RBFOX1: variants seen among roughly 807,000 people sequenced by gnomAD.
The protein encoded by RBFOX1 is RNA binding fox-1 homolog 1.
RBFOX1 carries 8 observed loss-of-function variants against 57.7 expected under a neutral mutation model. The ratio of observed to expected loss-of-function variants is 0.14; its 90% CI spans 0.08 to 0.25. The LOEUF (loss-of-function observed/expected upper bound fraction) is 0.25, where lower values mean the gene tolerates loss of function less well. Ranked by LOEUF, RBFOX1 falls within the 10% of genes least tolerant of loss-of-function variation. The pLI, the probability that RBFOX1 is intolerant of heterozygous loss-of-function variation, is 1.00. For missense variants in RBFOX1, 611 were observed against 548.5 expected, an observed-to-expected ratio of 1.11 and a Z score of -1.14; for synonymous variants, 326 against 222.4, an observed-to-expected ratio of 1.47 and a Z score of -4.15.
At chr16:6,131,389 G>C (rs754777939) in intron 1 of RBFOX1, among the ~76,000 whole-genome samples, 3 of 152,154 alleles carry the variant, frequency 2.0e-5, no homozygotes, top group Non-Finnish European at 4.4e-5. Context: ...TTGAGTAGTG[G>C]AGATAGAGAC....
At chr16:6,398,246 C>T (rs906204224) in intron 2 of RBFOX1, among the ~76,000 whole-genome samples, 17 of 152,096 alleles carry the variant, frequency 1.1e-4, no homozygotes, top group Non-Finnish European at 1.9e-4. Flanking sequence ...ATAACATATG[C>T]GGATTATGGG....
intron 3 of RBFOX1, among the ~76,000 whole-genome samples, chr16:6,898,458 C>A (rs1056164266): frequency 6.6e-6 from 1 of 152,122 alleles, no homozygotes; most frequent in Non-Finnish European, 1.5e-5. Context: ...TCAGCTCTAT[C>A]AATTATTTAA....
intron 2 of RBFOX1, among the ~76,000 whole-genome samples, chr16:6,457,383 A>T (rs544495247): frequency 2.6e-5 from 4 of 151,358 alleles, no homozygotes; most frequent in Admixed American, 1.3e-4. Flanking sequence ...ATGAGAGCCC[A>T]GGACACATCT....
chr16:6,186,343 G>C lies in RBFOX1; in HGVS notation c.-126-130652G>C, dbSNP rs74006920. On this transcript the variant is annotated intron_variant, in intron 1 of 15. Transcript: ENST00000550418. The stretch of plus-strand genomic sequence containing the variant: ...AATTTGGAGTGAGTTTGAAGAAGGA[G>C]AGGTTATGAATTAGTAAAGATAAAT... 1.6e-3 allele frequency among the ~76,000 whole-genome samples: 236 copies of C among 152,256 alleles called. 1 individual carries two copies. The highest frequency in any genetic ancestry group is 5.2e-3 in the African/African-American group (218 of 41,548).
chr16:7,146,495 T>A (rs989966871), intron 4 of RBFOX1, among the ~76,000 whole-genome samples: 4 of 152,196 alleles, frequency 2.6e-5, no homozygotes, highest in African/African-American at 9.6e-5. Flanking sequence ...AGCTTTCTGA[T>A]ACTAGAGAGA....
intron 3 of RBFOX1, among the ~76,000 whole-genome samples, chr16:5,730,364 C>T (rs1160806389): frequency 6.6e-6 from 1 of 152,124 alleles, no homozygotes; most frequent in Non-Finnish European, 1.5e-5. Flanking sequence ...GAGAATGAGC[C>T]TAGAGTGGAG....
At chr16:6,205,656 A>G (rs548987628) in intron 1 of RBFOX1, among the ~76,000 whole-genome samples, 1 of 151,936 alleles carries the variant, frequency 6.6e-6, no homozygotes, top group South Asian at 2.1e-4. Context: ...TTTCAATCAT[A>G]TTTTGCTTCT....
At chr16:6,085,157 C>G (rs541637585) in intron 1 of RBFOX1, among the ~76,000 whole-genome samples, 1 of 152,130 alleles carries the variant, frequency 6.6e-6, no homozygotes, top group Non-Finnish European at 1.5e-5. Flanking sequence ...GTTCTTCCTC[C>G]ACAACTTGCA....
In RBFOX1 at chr16:7,687,477, A is replaced by G. The variant is rs369890809; in HGVS notation, c.995+10639A>G. On this transcript the variant is annotated intron_variant, in intron 14 of 15. Coordinates refer to ENST00000550418, the MANE Select transcript of RBFOX1 (RefSeq NM_018723.4). ...ATATGTAGCAAGCCCCTCATTTACA[A>G]TCTGAGGGCTGAATGATGTGAGTCA... Among the ~76,000 whole-genome samples, 6 of 152,024 alleles carry G rather than the reference A, an allele frequency of 3.9e-5. No individual in the cohort carries two copies. The East Asian group carries it at 1.2e-3, about 29-fold the overall frequency.
At chr16:6,378,648 A>G (rs1234019592) in intron 2 of RBFOX1, among the ~76,000 whole-genome samples, 1 of 152,146 alleles carries the variant, frequency 6.6e-6, no homozygotes, top group Non-Finnish European at 1.5e-5. Flanking sequence ...GCTCTTCCCC[A>G]TTGGTCATCC....
chr16:6,600,886 C>A (rs765945210), intron 2 of RBFOX1, among the ~76,000 whole-genome samples: 1 of 152,116 alleles, frequency 6.6e-6, no homozygotes, highest in African/African-American at 2.4e-5. Context: ...GGAATTAGAT[C>A]TATGAAAAAG....
chr16:6,883,094 A>G (rs576405167), intron 3 of RBFOX1, among the ~76,000 whole-genome samples: 3 of 152,316 alleles, frequency 2.0e-5, no homozygotes, highest in South Asian at 2.1e-4. Flanking sequence ...TAATGATGTA[A>G]TTAGTATGAA....
intron 1 of RBFOX1, among the ~76,000 whole-genome samples, chr16:6,215,069 G>C (rs568753713): frequency 7.3e-6 from 1 of 137,088 alleles, no homozygotes; most frequent in South Asian, 2.6e-4. Flanking sequence ...GAGAGGGACG[G>C]GGAGATGGGG....
At chr16:5,578,013 G>T (rs9921172) in intron 2 of RBFOX1, among the ~76,000 whole-genome samples, 133,458 of 152,202 alleles carry the variant, frequency 0.88, 58,638 homozygotes, top group East Asian at 1. Context: ...GTACAGTGGT[G>T]TGATCTTGGC....
intron 1 of RBFOX1, among the ~76,000 whole-genome samples, chr16:6,278,470 C>G (rs1052743886): frequency 2.1e-5 from 3 of 145,776 alleles, no homozygotes; most frequent in Admixed American, 7.0e-5. Context: ...ATCTGTGCGT[C>G]ACCTCCTACT....
intron 3 of RBFOX1, among the ~76,000 whole-genome samples, chr16:6,694,379 C>T (rs970111358): frequency 1.3e-5 from 2 of 152,200 alleles, no homozygotes; most frequent in African/African-American, 4.8e-5. Flanking sequence ...CCACAGTTCT[C>T]ATCCAAATTC....
At chr16:6,113,226 A>T (rs1035578538) in intron 1 of RBFOX1, among the ~76,000 whole-genome samples, 2 of 152,120 alleles carry the variant, frequency 1.3e-5, no homozygotes, top group Non-Finnish European at 2.9e-5. Context: ...CTCTTGGTGA[A>T]TTACAGATGG....
chr16:6,619,909 T>C (rs1284196427), intron 2 of RBFOX1, among the ~76,000 whole-genome samples: 5 of 152,084 alleles, frequency 3.3e-5, no homozygotes, highest in Non-Finnish European at 4.4e-5. Context: ...CCTCTGTGTG[T>C]CCACGTGTTC....
At chr16:7,707,114 G>T (rs62011896) in intron 14 of RBFOX1, among the ~76,000 whole-genome samples, 1,836 of 152,296 alleles carry the variant, frequency 0.012, 9 homozygotes, top group Non-Finnish European at 0.017. Flanking sequence ...CTTGTTTGAG[G>T]ATCAGGAGAA....
Sources: gnomAD v4.1 joint callset for allele counts (sites outside exome capture counted in the v4.1 genomes callset) on GRCh38, gnomAD v4.1.1 for gene constraint, MANE v1.5 for transcripts, NCBI Gene and HGNC (gene_info 2026-07-23, HGNC 2026-07-21) for gene names.